GLIS1: variants seen among roughly 807,000 people sequenced by gnomAD.
The protein encoded by GLIS1 is GLIS family zinc finger 1, also known as zinc finger protein GLIS1.
A neutral mutation model predicts 63.8 loss-of-function variants in GLIS1; 24 were observed. The observed-to-expected ratio is 0.38, with a 90% CI of 0.27 to 0.53. GLIS1 has a LOEUF of 0.53. Among genes scored for constraint, GLIS1 ranks in the 20% least tolerant of loss-of-function variants. The pLI, the probability that GLIS1 is intolerant of heterozygous loss-of-function variation, is 0.85. For missense variants in GLIS1, 1,036 were observed against 1,074.1 expected (o/e 0.96, Z 0.50); for synonymous variants, 450 against 482.5 (o/e 0.93, Z 0.88).
At chr1:53,620,462 G>C (rs1019077667) in intron 2 of GLIS1, among the ~76,000 whole-genome samples, 24 of 152,230 alleles carry the variant, frequency 1.6e-4, no homozygotes, top group African/African-American at 5.8e-4. Flanking sequence ...GGCAGAGCTG[G>C]GGCAGCTCAC....
At chr1:53,531,423 G>C (rs1251489830) in intron 4 of GLIS1, among the ~76,000 whole-genome samples, 1 of 152,226 alleles carries the variant, frequency 6.6e-6, no homozygotes, top group Non-Finnish European at 1.5e-5. Flanking sequence ...CGGGGAGTAG[G>C]GGGAGGAGCT....
At chr1:53,658,992 A>T (rs576488560) in intron 2 of GLIS1, among the ~76,000 whole-genome samples, 88 of 152,088 alleles carry the variant, frequency 5.8e-4, no homozygotes, top group Non-Finnish European at 9.9e-4. Context: ...TGGCCGCATG[A>T]CCCCAGAGTC....
chr1:53,700,857 T>A (rs1173592), intron 2 of GLIS1, among the ~76,000 whole-genome samples: 140,937 of 152,314 alleles, frequency 0.93, 65,364 homozygotes, highest in Admixed American at 0.96. Flanking sequence ...CATTTCATGT[T>A]AATGGATTCA....
At chr1:53,510,326 T>C (rs1644286487) in intron 8 of GLIS1, among the ~76,000 whole-genome samples, 1 of 152,206 alleles carries the variant, frequency 6.6e-6, no homozygotes, top group Non-Finnish European at 1.5e-5. Flanking sequence ...GTTGGCCAAC[T>C]ATTTTGGGCA....
At chr1:53,702,009 A>G (rs929145082) in intron 2 of GLIS1, among the ~76,000 whole-genome samples, 2 of 150,644 alleles carry the variant, frequency 1.3e-5, no homozygotes, top group African/African-American at 4.9e-5. Flanking sequence ...AAAAAAAAAA[A>G]AAAAAAAAAA....
At position 53,694,401 on chromosome 1, in the gene GLIS1, G is replaced by A. The variant is rs549186135; in HGVS notation, c.259+43405C>T. ...TTATACCTCCTCACTCCCTTTCTGC[G>A]AGCCGGCTGGCCCTGCCAGGGACCC... On this transcript the variant is annotated intron_variant, in intron 2 of 10. Transcript: ENST00000628545. 1.9e-4 allele frequency among the ~76,000 whole-genome samples: 29 copies of A among 152,286 alleles called. 1 individual carries two copies. The highest frequency in any genetic ancestry group is 1.7e-3 in the South Asian group (8 of 4,830).
chr1:53,726,246 G>T (rs980440987), intron 2 of GLIS1, among the ~76,000 whole-genome samples: 2 of 152,036 alleles, frequency 1.3e-5, no homozygotes, highest in African/African-American at 4.8e-5. Flanking sequence ...GGGCGGGTAG[G>T]TCGGCAGCTA....
chr1:53,548,298 A>G lies in GLIS1; in HGVS notation c.1321-18346T>C, dbSNP rs1023178741. Among the ~76,000 whole-genome samples, 8 of 152,176 alleles carry G rather than the reference A, an allele frequency of 5.3e-5. No homozygotes were observed. In the East Asian group the frequency reaches 1.5e-3, roughly 29 times the overall value. ...CACGGGACTTCAACCTTGCATGCACATCTCTAACGGGAGGCCCGGTCTGCA... is the reference window on the plus strand; with the variant it reads ...CACGGGACTTCAACCTTGCATGCACGTCTCTAACGGGAGGCCCGGTCTGCA... On this transcript the variant is annotated intron_variant, in intron 4 of 10. Coordinates refer to ENST00000628545, the MANE Select transcript of GLIS1 (RefSeq NM_001367484.1).
At chr1:53,724,102 C>T (rs1346684000) in intron 2 of GLIS1, among the ~76,000 whole-genome samples, 2 of 152,198 alleles carry the variant, frequency 1.3e-5, no homozygotes, top group African/African-American at 4.8e-5. Flanking sequence ...ACATGTGTAT[C>T]TCCAACAGGA....
intron 2 of GLIS1, among the ~76,000 whole-genome samples, chr1:53,686,376 T>G (rs999074573): frequency 1.3e-5 from 2 of 152,196 alleles, no homozygotes; most frequent in Non-Finnish European, 2.9e-5. Context: ...CCCCCTAGCC[T>G]CTCTGATGGA....
intron 2 of GLIS1, among the ~76,000 whole-genome samples, chr1:53,706,234 C>G (rs1253816768): frequency 6.6e-6 from 1 of 152,170 alleles, no homozygotes; most frequent in African/African-American, 2.4e-5. Flanking sequence ...TTCCTACAAA[C>G]TGCAGTCAAC....
intron 2 of GLIS1, among the ~76,000 whole-genome samples, chr1:53,723,178 A>T (rs1233224213): frequency 6.6e-6 from 1 of 151,978 alleles, no homozygotes; most frequent in Non-Finnish European, 1.5e-5. Flanking sequence ...TTTACAAAGA[A>T]TGTTAATAAC....
chr1:53,734,021 ACCGCCCC>A (rs1180076981), intron 2 of GLIS1: 2 of 983,898 alleles, frequency 2.0e-6, no homozygotes, highest in African/African-American at 3.5e-5. Context: ...CTTACTGTCC[ACCGCCCC>A]CACTCCGAGT....
At chr1:53,683,757 G>C (rs1215374115) in intron 2 of GLIS1, among the ~76,000 whole-genome samples, 1 of 152,136 alleles carries the variant, frequency 6.6e-6, no homozygotes, top group African/African-American at 2.4e-5. Context: ...ACCCTGGGGA[G>C]GTACTGAGCA....
At position 53,506,358 on chromosome 1, in the gene GLIS1, G is replaced by A. The variant is rs1198917256; in HGVS notation, c.*261C>T. On this transcript the variant is annotated 3_prime_UTR_variant, in exon 11 of 11. Coordinates refer to ENST00000628545, the MANE Select transcript of GLIS1 (RefSeq NM_001367484.1). ...GGTCTGTGATTTCAAAACCACTGCG[G>A]GGAGGAACGGGAAGACAAGATCGAG... The A allele has an allele frequency of 1.2e-5, 6 of 487,412 alleles. No individual in the cohort carries two copies. The East Asian group carries it at 1.5e-4, about 12-fold the overall frequency. The allele number at this position is 487,412 out of a possible 1,614,324, so 30.2% of individuals were successfully genotyped here.
chr1:53,708,079 G>C (rs1009143850), intron 2 of GLIS1, among the ~76,000 whole-genome samples: 2 of 151,176 alleles, frequency 1.3e-5, no homozygotes, highest in African/African-American at 4.9e-5. Flanking sequence ...TCAGGAGATC[G>C]AGACCATCCT....
chr1:53,736,285 G>C (rs139431708), intron 2 of GLIS1, among the ~76,000 whole-genome samples: 11 of 152,326 alleles, frequency 7.2e-5, no homozygotes, highest in Non-Finnish European at 1.3e-4. Context: ...GGGTTAGGGG[G>C]AATGGAAGTA....
chr1:53,625,734 G>T (rs1168221924), intron 2 of GLIS1, among the ~76,000 whole-genome samples: 1 of 152,202 alleles, frequency 6.6e-6, no homozygotes, highest in East Asian at 1.9e-4. Context: ...GATGAGAAAA[G>T]GAGAGACTCA....
intron 4 of GLIS1, among the ~76,000 whole-genome samples, chr1:53,573,617 TCA>T (rs1645004744): frequency 6.6e-6 from 1 of 152,160 alleles, no homozygotes; most frequent in Non-Finnish European, 1.5e-5. Flanking sequence ...TGTAACACGT[TCA>T]ACCATACAAA....
Sources: allele counts gnomAD v4.1 joint callset (sites outside exome capture counted in the v4.1 genomes callset), GRCh38; gene constraint gnomAD v4.1.1; transcripts MANE v1.5; gene names NCBI Gene and HGNC (gene_info 2026-07-23, HGNC 2026-07-21).